The following NAA11 variants were observed in gnomAD, a reference collection of about 807,000 sequenced individuals.
NAA11 encodes the protein N-alpha-acetyltransferase 11, NatA catalytic subunit.
A neutral mutation model predicts 16.1 loss-of-function variants in NAA11; 15 were observed. The ratio of observed to expected loss-of-function variants is 0.93; its 90% CI spans 0.62 to 1.44. The LOEUF (loss-of-function observed/expected upper bound fraction) is 1.44. Ranked by LOEUF, NAA11 falls within the 40% of genes most tolerant of loss-of-function variation. The pLI, the probability that NAA11 is intolerant of heterozygous loss-of-function variation, is 0.00. For missense variants in NAA11, 298 were observed against 291.3 expected (o/e 1.02, Z -0.17); for synonymous variants, 122 against 112.4 (o/e 1.09, Z -0.54).
At position 79,325,878 on chromosome 4, in the gene NAA11, A is replaced by G; in HGVS notation, c.-1T>C. ...CTGGCTGAGCGTTGCGGATGTTCAT[A>G]ATGGCAGAGGGTAGGGAACCGGTTG... On this transcript the variant is annotated 5_prime_UTR_variant, in exon 1 of 2. Coordinates refer to ENST00000286794, the MANE Select transcript of NAA11 (RefSeq NM_032693.3). 1 of 1,604,124 alleles carries G rather than the reference A, an allele frequency of 6.2e-7. No homozygotes were observed. Among genetic ancestry groups the G allele is most frequent in the South Asian group, 1.1e-5 (1 of 89,162 alleles).
chr4:79,186,270 A>G, the NAA11 span, among the ~76,000 whole-genome samples: 1 of 152,200 alleles, frequency 6.6e-6, no homozygotes, highest in Non-Finnish European at 1.5e-5. Context: ...AATGGTAATG[A>G]TATTATATGT....
chr4:79,177,693 G>T, the NAA11 span, among the ~76,000 whole-genome samples: 9 of 152,198 alleles, frequency 5.9e-5, no homozygotes, highest in Middle Eastern at 3.4e-3. Context: ...ACAGGTCAGG[G>T]TATACTGTAG....
At position 79,325,461 on chromosome 4, in the gene NAA11, T is replaced by A. The variant is rs1323428244; in HGVS notation, c.417A>T (p.Ala139=). Residue 139 remains alanine, a synonymous_variant, in exon 1 of 2, where the codon GCA becomes GCT. Coordinates refer to ENST00000286794, the MANE Select transcript of NAA11 (RefSeq NM_032693.3). ...TCATAGCATAAGCATCTTCCCCATC[T>A]GCATAGTATTTAGGTTCCACCTCAC... ...QISEVEPKYY[A]DGEDAYAMKR... 1.9e-6 allele frequency: 3 copies of A among 1,614,218 alleles called. No individual in the cohort carries two copies. Among genetic ancestry groups the A allele is most frequent in the Admixed American group, 3.3e-5 (2 of 60,026 alleles).
chr4:79,289,198 A>G (rs1723021040), intron 2 of NAA11, among the ~76,000 whole-genome samples: 1 of 152,224 alleles, frequency 6.6e-6, no homozygotes, highest in South Asian at 2.1e-4. Flanking sequence ...GTTTATTCCC[A>G]ACACAATGTG....
At chr4:79,223,814 C>CT (rs1721247931), downstream of NAA11, among the ~76,000 whole-genome samples, 1 of 151,170 alleles carries the variant, frequency 6.6e-6, no homozygotes, top group Non-Finnish European at 1.5e-5. Context: ...GATTTATTTG[C>CT]TTTCAATTTT....
At chr4:79,177,703 G>A in the NAA11 span, among the ~76,000 whole-genome samples, 1 of 152,108 alleles carries the variant, frequency 6.6e-6, no homozygotes, top group Non-Finnish European at 1.5e-5. Context: ...GTATACTGTA[G>A]AAAGTGAGAA....
At chr4:79,268,089 AG>A (rs1255941788) in intron 2 of NAA11, among the ~76,000 whole-genome samples, 1 of 152,166 alleles carries the variant, frequency 6.6e-6, no homozygotes, top group African/African-American at 2.4e-5. Flanking sequence ...ACAATGGAAA[AG>A]GGAAATTTCA....
At chr4:79,288,182 C>T (rs1478726599) in intron 2 of NAA11, among the ~76,000 whole-genome samples, 1 of 152,142 alleles carries the variant, frequency 6.6e-6, no homozygotes, top group Non-Finnish European at 1.5e-5. Flanking sequence ...TTGCTGTTTT[C>T]CTTCTTTCCC....
the NAA11 span, among the ~76,000 whole-genome samples, chr4:79,213,189 C>G: frequency 6.6e-6 from 1 of 152,144 alleles, no homozygotes; most frequent in African/African-American, 2.4e-5. Context: ...CACAGGATGA[C>G]AACTGTATTC....
At chr4:79,172,402 GA>G in the NAA11 span, among the ~76,000 whole-genome samples, 4 of 151,822 alleles carry the variant, frequency 2.6e-5, no homozygotes, top group African/African-American at 9.7e-5. Flanking sequence ...TTTTCCAAGG[GA>G]AAAAACAGTT....
chr4:79,223,209 G>A (rs1360431772), downstream of NAA11, among the ~76,000 whole-genome samples: 17 of 150,006 alleles, frequency 1.1e-4, no homozygotes, highest in African/African-American at 3.2e-4. Flanking sequence ...TGTTTATTGC[G>A]GCATTATTCA....
the NAA11 span, among the ~76,000 whole-genome samples, chr4:79,219,351 T>A: frequency 6.6e-6 from 1 of 152,144 alleles, no homozygotes; most frequent in East Asian, 1.9e-4. Flanking sequence ...CTGACCTAAT[T>A]GATACCAGAT....
the NAA11 span, among the ~76,000 whole-genome samples, chr4:79,188,399 C>T: frequency 1.3e-5 from 2 of 152,154 alleles, no homozygotes; most frequent in South Asian, 2.1e-4. Context: ...TCCTGGCTAA[C>T]GCGGTGAAAC....
the NAA11 span, among the ~76,000 whole-genome samples, chr4:79,187,954 G>A: frequency 6.1e-4 from 79 of 130,378 alleles, no homozygotes; most frequent in Non-Finnish European, 1.0e-3. Flanking sequence ...AGCCGAGATC[G>A]CGCCACTGCA....
intron 2 of NAA11, among the ~76,000 whole-genome samples, chr4:79,289,163 A>T (rs1342573261): frequency 6.6e-6 from 1 of 152,220 alleles, no homozygotes; most frequent in Non-Finnish European, 1.5e-5. Flanking sequence ...GACATTGCCA[A>T]GTTGTCCTCC....
chr4:79,198,790 G>A, the NAA11 span, among the ~76,000 whole-genome samples: 2 of 151,896 alleles, frequency 1.3e-5, no homozygotes, highest in African/African-American at 4.8e-5. Flanking sequence ...ACATTGAGAT[G>A]TGTGTTAACA....
At chr4:79,222,741 C>T (rs1721219507), downstream of NAA11, among the ~76,000 whole-genome samples, 1 of 150,260 alleles carries the variant, frequency 6.7e-6, no homozygotes, top group African/African-American at 2.4e-5. Context: ...TCACAACCTA[C>T]TCATCTGACA....
the NAA11 span, among the ~76,000 whole-genome samples, chr4:79,177,524 T>TA: frequency 2.0e-5 from 3 of 152,080 alleles, no homozygotes; most frequent in African/African-American, 7.2e-5. Flanking sequence ...GCTCTACTGT[T>TA]CTTAGAATGT....
chr4:79,242,562 C>T (rs1259477015), intron 2 of NAA11, among the ~76,000 whole-genome samples: 2 of 152,228 alleles, frequency 1.3e-5, no homozygotes, highest in African/African-American at 2.4e-5. Context: ...GGACATTCTT[C>T]CTCTGCCCTG....
Sources: allele counts gnomAD v4.1 joint callset (sites outside exome capture counted in the v4.1 genomes callset), GRCh38; gene constraint gnomAD v4.1.1; transcripts MANE v1.5; gene names NCBI Gene and HGNC (gene_info 2026-07-23, HGNC 2026-07-21).